TCP11: variants seen among roughly 807,000 people sequenced by gnomAD.
The protein encoded by TCP11 is t-complex 11.
TCP11 carries 34 observed loss-of-function variants against 45.0 expected under a neutral mutation model. That is an observed-to-expected ratio of 0.76 (90% CI 0.57 to 1.01). The LOEUF is 1.01. Ranked by LOEUF, TCP11 falls within the 50% of genes least tolerant of loss-of-function variation. The probability of loss-of-function intolerance (pLI) is 0.00; values close to 1 mark genes in which losing one functional copy is unlikely to be tolerated. For synonymous variants in TCP11, 227 were observed against 227.0 expected (o/e 1.00, Z 0.00); for missense variants, 523 against 598.1 (o/e 0.87, Z 1.31).
chr6:35,118,570 C>T (rs1347511569), intron 9 of TCP11, 69 bp from the exon 10 acceptor site: 1 of 1,367,158 alleles, frequency 7.3e-7, no homozygotes, highest in Admixed American at 2.1e-5. Flanking sequence ...TCCCCCTGCA[C>T]TCTACTCACC....
intron 2 of TCP11, among the ~76,000 whole-genome samples, chr6:35,138,603 T>G (rs1581857124): frequency 1.4e-5 from 2 of 147,970 alleles, no homozygotes; most frequent in African/African-American, 2.5e-5. Flanking sequence ...GGGTGGGGGG[T>G]TGGGGGGTTG....
chr6:35,138,980 G>A (rs1271575675), intron 2 of TCP11, among the ~76,000 whole-genome samples: 1 of 152,160 alleles, frequency 6.6e-6, no homozygotes, highest in Non-Finnish European at 1.5e-5. Flanking sequence ...CTGAGGTCAG[G>A]AGTTCGAGAC....
chr6:35,129,874 A>G (rs940721223), intron 3 of TCP11, among the ~76,000 whole-genome samples: 14 of 152,246 alleles, frequency 9.2e-5, no homozygotes, highest in Non-Finnish European at 1.8e-4. Context: ...TCCCACGCGC[A>G]AGCAAATCTC....
chr6:35,140,766 G>T lies in TCP11; in HGVS notation c.105C>A (p.Gly35=). The T allele has an allele frequency of 6.5e-7, 1 of 1,530,044 alleles. No individual in the cohort carries two copies. The highest frequency in any genetic ancestry group is 8.7e-7 in the Non-Finnish European group (1 of 1,143,446). The allele number at this position is 1,530,044 out of a possible 1,614,324, so 94.8% of individuals were successfully genotyped here. A position where few individuals can be genotyped will look rare whatever the true frequency, so the allele number is the denominator to read the frequency against. ...ACCTACAGGGAGGGGGGTCCTCGGA[G>T]CCGCTCTTGTCTTCCTGGGGGGGTC... is the stretch of plus-strand genomic sequence containing the variant. ...TSGPPQEDKS[G]SEDPPPFLSV... Residue 35 remains glycine (G), a synonymous_variant, in exon 2 of 10, where the codon GGC becomes GGA. Transcript: ENST00000311875.
At chr6:35,125,900 G>A (rs1025927752) in intron 4 of TCP11, among the ~76,000 whole-genome samples, 18 of 152,104 alleles carry the variant, frequency 1.2e-4, no homozygotes, top group Admixed American at 5.2e-4. Flanking sequence ...AGTTAAACAA[G>A]TCCAAAACTA....
intron 3 of TCP11, among the ~76,000 whole-genome samples, chr6:35,130,776 G>T (rs1183463810): frequency 6.6e-6 from 1 of 152,154 alleles, no homozygotes; most frequent in Non-Finnish European, 1.5e-5. Flanking sequence ...AGATGTAAAT[G>T]GTACAACCAG....
At chr6:35,123,211 T>A (rs67638810) in intron 4 of TCP11, among the ~76,000 whole-genome samples, 27,338 of 152,144 alleles carry the variant, frequency 0.18, 3,061 homozygotes, top group African/African-American at 0.29. Flanking sequence ...AATTACTGCA[T>A]GGTTTCTGCC....
chr6:35,141,317 G>A lies in TCP11; in HGVS notation c.-127C>T, dbSNP rs529861288. 1.9e-5 allele frequency: 24 copies of A among 1,258,066 alleles called. No homozygotes were observed. The South Asian group carries it at 5.5e-4, about 29-fold the overall frequency. 77.9% of individuals were successfully genotyped at this position (1,258,066 alleles called of 1,614,324 possible). ...GCGGCGGGTTGGGGCGTCGCACGGT[G>A]AGAAAGGCCGGGGCCTGAGAACAAA... is the stretch of plus-strand genomic sequence containing the variant. On this transcript the variant is annotated 5_prime_UTR_variant, in exon 1 of 10. Transcript: ENST00000311875.
chr6:35,119,369 C>T lies in TCP11; in HGVS notation c.1138G>A (p.Val380Met), dbSNP rs1450974523. The part of the protein sequence containing the change: ...HSRPEEAILT[V>M]SEQVSQEIHQ... ...ATTTCCTGAGATACCTGTTCACTCA[C>T]AGTCAGTATAGCTTCCTCAGGCCTA... Residue 380 changes from valine to methionine, a missense_variant, in exon 9 of 10, where the codon GTG becomes ATG. By Grantham distance (21) the Val-to-Met change is conservative. This residue lies in a region of TCP11 where 298 missense variants were observed against 387.9 expected (regional missense o/e 0.77). Coordinates refer to ENST00000311875, the MANE Select transcript of TCP11 (RefSeq NM_001370687.1). The T allele has an allele frequency of 6.2e-7, 1 of 1,614,206 alleles. No individual in the cohort carries two copies. The highest frequency in any genetic ancestry group is 1.7e-5 in the Admixed American group (1 of 60,028).
chr6:35,135,620 TAAA>T (rs35859439), intron 3 of TCP11, among the ~76,000 whole-genome samples: 3 of 121,550 alleles, frequency 2.5e-5, no homozygotes, highest in Non-Finnish European at 3.4e-5. Context: ...ACCCCATCTC[TAAA>T]AAAAAAAAAA....
intron 2 of TCP11, 24 bp from the exon 3 acceptor site, chr6:35,136,242 C>T (rs769051831): frequency 1.3e-6 from 2 of 1,559,604 alleles, no homozygotes; most frequent in South Asian, 1.1e-5. Context: ...ACAATGAGCC[C>T]ATGCAAGTCT....
chr6:35,128,981 G>A, intron 4 of TCP11, 81 bp downstream of exon 4: 1 of 1,555,152 alleles, frequency 6.4e-7, no homozygotes, highest in Non-Finnish European at 8.7e-7. Context: ...ACCATGTTCA[G>A]TTAAGATTTG....
chr6:35,120,563 C>CAGA lies in TCP11; in HGVS notation c.796_798dup (p.Ser266dup). The CAGA allele has an allele frequency of 6.2e-7, 1 of 1,613,936 alleles. No homozygotes were observed. Among genetic ancestry groups the CAGA allele is most frequent in the Non-Finnish European group, 8.5e-7 (1 of 1,180,032 alleles). The stretch of plus-strand genomic sequence containing the variant: ...GAGGGGCCAGCCACACTGGAGGAGT[C>CAGA]AGAAGTGTCTGGGCAAGTCGGAGGT... On this transcript the variant is annotated inframe_insertion, in exon 7 of 10. Coordinates refer to ENST00000311875, the MANE Select transcript of TCP11 (RefSeq NM_001370687.1). This position sits in a 1 kb window ranked among gnomAD's most constrained non-coding sequence, Gnocchi z 4.9.
At chr6:35,139,638 C>T (rs1023912931) in intron 2 of TCP11, among the ~76,000 whole-genome samples, 2 of 152,242 alleles carry the variant, frequency 1.3e-5, no homozygotes, top group Non-Finnish European at 2.9e-5. Context: ...TATTGAGGGA[C>T]GGAGGGAAAT....
Position 35,118,371 on chromosome 6 carries a change from C to A in TCP11, c.1410G>T (p.Leu470Phe). ...CAAACACCTGCTGATTGTGATGTGTCAAGTTGACAAACTTTTGGCCCAGTT... is the reference window on the plus strand; with the variant it reads ...CAAACACCTGCTGATTGTGATGTGTAAAGTTGACAAACTTTTGGCCCAGTT... ...LAELGQKFVN[L>F]THHNQQVFGP... is the part of the protein sequence containing the mutation. Residue 470 changes from leucine to phenylalanine, a missense_variant, in exon 10 of 10, where the codon TTG (leucine) becomes TTT (phenylalanine). Leu to Phe is a conservative substitution (Grantham distance 22). This residue lies in a region of TCP11 where 298 missense variants were observed against 387.9 expected (regional missense o/e 0.77). Coordinates refer to ENST00000311875, the MANE Select transcript of TCP11 (RefSeq NM_001370687.1). 1 of 1,614,132 alleles carries A rather than the reference C, an allele frequency of 6.2e-7. No individual in the cohort carries two copies. The highest frequency in any genetic ancestry group is 8.5e-7 in the Non-Finnish European group (1 of 1,180,026).
chr6:35,129,008 C>T, intron 4 of TCP11, 54 bp downstream of exon 4: 1 of 1,595,362 alleles, frequency 6.3e-7, no homozygotes, highest in Non-Finnish European at 8.5e-7. Flanking sequence ...ACTGACACTC[C>T]AATGAGCTGG....
At position 35,129,127 on chromosome 6, in the gene TCP11, C is replaced by G; in HGVS notation, c.292G>C (p.Glu98Gln). The change falls in exon 4 of 10, where the codon GAG becomes CAG. Residue 98 changes from glutamate to glutamine, a missense_variant. By Grantham distance (29) the Glu-to-Gln change is conservative. This residue lies in a region of TCP11 where 225 missense variants were observed against 210.2 expected (regional missense o/e 1.07). Coordinates refer to ENST00000311875, the MANE Select transcript of TCP11 (RefSeq NM_001370687.1). The stretch of plus-strand genomic sequence containing the variant: ...TCAGGGGGAGTTGCTGATAGTTGCT[C>G]TTTAAGATGGTCCCAAAAGGCATTG... ...VHNAFWDHLKEQLSATPPDFS... is the reference protein window; with the variant it reads ...VHNAFWDHLKQQLSATPPDFS... 6.2e-7 allele frequency: 1 copy of G among 1,614,136 alleles called. No homozygotes were observed. The highest frequency in any genetic ancestry group is 2.2e-5 in the East Asian group (1 of 44,870).
chr6:35,128,395 C>G (rs956160929), intron 4 of TCP11: 4 of 152,210 alleles, frequency 2.6e-5, no homozygotes, highest in Non-Finnish European at 4.4e-5. Context: ...TCAGGGCCAG[C>G]AGGAGAATCT....
intron 4 of TCP11, among the ~76,000 whole-genome samples, chr6:35,123,581 C>T (rs1249246978): frequency 6.6e-6 from 1 of 151,910 alleles, no homozygotes; most frequent in East Asian, 1.9e-4. Flanking sequence ...CCCAAGTGAT[C>T]CTCCCACCTC....
Sources: allele counts gnomAD v4.1 joint callset (sites outside exome capture counted in the v4.1 genomes callset), GRCh38; gene constraint gnomAD v4.1.1; regional missense constraint gnomAD v4.1.1; non-coding constraint Gnocchi (gnomAD v3.1); transcripts MANE v1.5; gene names NCBI Gene and HGNC (gene_info 2026-07-23, HGNC 2026-07-21).